The following CNTN3 variants were observed in gnomAD, a reference collection of about 807,000 sequenced individuals.
The protein encoded by CNTN3 is contactin 3.
Under a neutral mutation model 119.1 loss-of-function variants are expected in CNTN3, and 60 were observed. That is an observed-to-expected ratio of 0.50 (90% confidence interval 0.41 to 0.62). CNTN3 has a LOEUF of 0.62. Ranked by LOEUF, CNTN3 falls within the 20% of genes least tolerant of loss-of-function variation. CNTN3 has a pLI of 0.00. For missense variants in CNTN3, 1,101 were observed against 1,242.4 expected, an observed-to-expected ratio of 0.89 and a Z score of 1.71; for synonymous variants, 450 against 438.7, an observed-to-expected ratio of 1.03 and a Z score of -0.32.
chr3:74,283,668 GT>G (rs1702057867), intron 20 of CNTN3, among the ~76,000 whole-genome samples: 1 of 152,058 alleles, frequency 6.6e-6, no homozygotes, highest in East Asian at 1.9e-4. Flanking sequence ...AGACAAATTT[GT>G]TTGCATATAT....
At chr3:74,338,591 T>C (rs916306035) in intron 11 of CNTN3, among the ~76,000 whole-genome samples, 1 of 152,076 alleles carries the variant, frequency 6.6e-6, no homozygotes, top group African/African-American at 2.4e-5. Flanking sequence ...ACTTTATATA[T>C]GTATTACTTT....
intron 4 of CNTN3, among the ~76,000 whole-genome samples, chr3:74,485,468 C>T (rs770213496): frequency 4.6e-5 from 7 of 151,796 alleles, no homozygotes; most frequent in African/African-American, 7.2e-5. Flanking sequence ...AAAAACAGAA[C>T]ACACAGAATA....
intron 11 of CNTN3, among the ~76,000 whole-genome samples, chr3:74,340,500 G>A (rs1180071072): frequency 1.4e-4 from 22 of 152,130 alleles, no homozygotes; most frequent in Admixed American, 9.8e-4. Flanking sequence ...CCATCTGATC[G>A]CTAATCCCAT....
At chr3:74,305,669 T>C (rs781395639) in intron 13 of CNTN3, among the ~76,000 whole-genome samples, 1 of 151,316 alleles carries the variant, frequency 6.6e-6, no homozygotes, top group Non-Finnish European at 1.5e-5. Context: ...TGACCGATCA[T>C]ATGAGAAGGC....
At chr3:74,538,337 A>G (rs1703795077) in intron 1 of CNTN3, among the ~76,000 whole-genome samples, 1 of 152,132 alleles carries the variant, frequency 6.6e-6, no homozygotes, top group Non-Finnish European at 1.5e-5. Context: ...ATAATCCACT[A>G]ATTTTACAGT....
intron 2 of CNTN3, among the ~76,000 whole-genome samples, chr3:74,504,836 A>C (rs1342673988): frequency 6.6e-6 from 1 of 152,150 alleles, no homozygotes; most frequent in African/African-American, 2.4e-5. Context: ...TGAGACCACT[A>C]AAAGCCCAAG....
chr3:74,310,761 G>T (rs1025961368), intron 13 of CNTN3, among the ~76,000 whole-genome samples: 3 of 152,150 alleles, frequency 2.0e-5, no homozygotes, highest in Admixed American at 1.3e-4. Flanking sequence ...TTACTACTTG[G>T]TAGGGAGCAG....
chr3:74,515,862 A>G (rs1277533331), intron 2 of CNTN3, among the ~76,000 whole-genome samples: 1 of 152,022 alleles, frequency 6.6e-6, no homozygotes, highest in Non-Finnish European at 1.5e-5. Context: ...CACCTTGAGA[A>G]CACTTATTAG....
chr3:74,402,896 G>T (rs978526406), intron 5 of CNTN3, among the ~76,000 whole-genome samples: 2 of 152,154 alleles, frequency 1.3e-5, no homozygotes, highest in Non-Finnish European at 2.9e-5. Flanking sequence ...ACGGCAGAGG[G>T]AACAGCTAAT....
rs79421094 is a variant in CNTN3 at position 74,493,285 on chromosome 3, G to A, written c.182+6374C>T. Among the ~76,000 whole-genome samples, 1,383 of 152,062 alleles carry A rather than the reference G, an allele frequency of 9.1e-3. 14 individuals are homozygous for A. The highest frequency in any genetic ancestry group is 0.038 in the East Asian group (196 of 5,168). ...CCATTTGAACTTGCTAATAAGGCTA[G>A]GCAATATCACAACTTGAAATTGAAG... On this transcript the variant is annotated intron_variant, in intron 3 of 22. Coordinates refer to ENST00000263665, the MANE Select transcript of CNTN3 (RefSeq NM_020872.3).
intron 1 of CNTN3, among the ~76,000 whole-genome samples, chr3:74,603,343 T>C (rs1704941986): frequency 6.6e-6 from 1 of 152,042 alleles, no homozygotes; most frequent in African/African-American, 2.4e-5. Context: ...ACATATGTGG[T>C]CCTTAAATAG....
At chr3:74,349,033 T>A (rs1703757143) in intron 11 of CNTN3, among the ~76,000 whole-genome samples, 1 of 151,646 alleles carries the variant, frequency 6.6e-6, no homozygotes, top group South Asian at 2.1e-4. Flanking sequence ...CTGCAATGAG[T>A]TATGATCATG....
intron 2 of CNTN3, among the ~76,000 whole-genome samples, chr3:74,518,707 A>T (rs1431337430): frequency 4.6e-5 from 7 of 151,946 alleles, no homozygotes; most frequent in Non-Finnish European, 7.4e-5. Flanking sequence ...TTGCTTTCAA[A>T]GCATTCCTTA....
chr3:74,465,622 CCATA>C, intron 4 of CNTN3, among the ~76,000 whole-genome samples: 1 of 152,284 alleles, frequency 6.6e-6, no homozygotes, highest in Admixed American at 6.5e-5. Context: ...ATGCATTTCT[CCATA>C]CAAAGAAAAG....
At chr3:74,539,521 T>C (rs1316377969) in intron 1 of CNTN3, among the ~76,000 whole-genome samples, 1 of 152,098 alleles carries the variant, frequency 6.6e-6, no homozygotes, top group Non-Finnish European at 1.5e-5. Flanking sequence ...TGAGCTGCTA[T>C]GTTTCCACCT....
chr3:74,280,255 G>A (rs949910909), intron 20 of CNTN3, among the ~76,000 whole-genome samples: 23 of 152,176 alleles, frequency 1.5e-4, no homozygotes, highest in African/African-American at 5.1e-4. Context: ...TTACATGGAT[G>A]AGCATTTCAT....
At chr3:74,484,963 A>G (rs1702825903) in intron 4 of CNTN3, among the ~76,000 whole-genome samples, 1 of 152,224 alleles carries the variant, frequency 6.6e-6, no homozygotes, top group African/African-American at 2.4e-5. Context: ...AAATTTATTG[A>G]GAAATTTTAA....
intron 4 of CNTN3, among the ~76,000 whole-genome samples, chr3:74,437,020 TTTAAAAATGATTACC>T: frequency 6.6e-6 from 1 of 152,330 alleles, no homozygotes; most frequent in African/African-American, 2.4e-5. Flanking sequence ...CTATATACCT[TTTAAAAATGATTACC>T]TGTTTTAAAA....
At chr3:74,528,811 G>A (rs539167118) in intron 1 of CNTN3, among the ~76,000 whole-genome samples, 1 of 151,916 alleles carries the variant, frequency 6.6e-6, no homozygotes, top group South Asian at 2.1e-4. Context: ...CTCCGTAAAG[G>A]GAAAGGACTT....
Sources: allele counts gnomAD v4.1 joint callset (sites outside exome capture counted in the v4.1 genomes callset), GRCh38; gene constraint gnomAD v4.1.1; transcripts MANE v1.5; gene names NCBI Gene and HGNC (gene_info 2026-07-23, HGNC 2026-07-21).